The following NPTN variants were observed in gnomAD, a reference collection of about 807,000 sequenced individuals.
The protein encoded by NPTN is SDR-1.
NPTN carries 5 observed loss-of-function variants against 42.7 expected under a neutral mutation model. The observed-to-expected ratio is 0.12, with a 90% CI of 0.06 to 0.25. The LOEUF (loss-of-function observed/expected upper bound fraction) is 0.25, where lower values mean the gene tolerates loss of function less well. Among genes scored for constraint, NPTN ranks in the 10% least tolerant of loss-of-function variants. The pLI, the probability that NPTN is intolerant of heterozygous loss-of-function variation, is 1.00. For synonymous variants in NPTN, 180 were observed against 201.9 expected (o/e 0.89, Z 0.92); for missense variants, 307 against 525.4 (o/e 0.58, Z 4.06).
At chr15:73,564,455 C>A (rs939082507) in intron 6 of NPTN, among the ~76,000 whole-genome samples, 4 of 152,166 alleles carry the variant, frequency 2.6e-5, no homozygotes, top group Non-Finnish European at 5.9e-5. Context: ...CGCCAGCACA[C>A]ACAGTGACTG....
intron 1 of NPTN, among the ~76,000 whole-genome samples, chr15:73,629,332 C>T (rs1455989252): frequency 2.6e-5 from 4 of 152,174 alleles, no homozygotes; most frequent in African/African-American, 2.4e-5. Context: ...TGACATTCGG[C>T]ATGTCATTTG....
Position 73,570,072 on chromosome 15 carries a change from T to C in NPTN, c.1114+78A>G. On this transcript the variant is annotated intron_variant, in intron 6 of 8. Transcript: ENST00000345330. The surrounding 1 kb of genome is among the most constrained non-coding windows in gnomAD (Gnocchi z 4.0). ...TAGGGATTGAATCCCAACATCCCTA[T>C]AGTCCTCTTTGGGTACTTGGAAACC... 4 of 1,440,830 alleles carry C rather than the reference T, an allele frequency of 2.8e-6. No homozygotes were observed. The highest frequency in any genetic ancestry group is 3.8e-6 in the Non-Finnish European group (4 of 1,065,570). The allele number at this position is 1,440,830 out of a possible 1,614,324, so 89.3% of individuals were successfully genotyped here.
chr15:73,562,627 T>A (rs1301286346), intron 7 of NPTN, among the ~76,000 whole-genome samples: 2 of 152,344 alleles, frequency 1.3e-5, no homozygotes, highest in East Asian at 3.9e-4. Flanking sequence ...GATCTTAGAT[T>A]GATTCCATAC....
At position 73,633,204 on chromosome 15, in the gene NPTN, C is replaced by T. The variant is rs1249547844; in HGVS notation, c.12G>A (p.Ser4=). The change falls in exon 1 of 9, where the codon TCG becomes TCA. Residue 4 remains serine (S), a synonymous_variant. Coordinates refer to ENST00000345330, the MANE Select transcript of NPTN (RefSeq NM_012428.4). ...AGAGGGCCAGGGCGCTGGGCAGCGACGAACCCGACATCCTCCCTAGCAGAA... is the reference window on the plus strand; with the variant it reads ...AGAGGGCCAGGGCGCTGGGCAGCGATGAACCCGACATCCTCCCTAGCAGAA... MSG[S]SLPSALALSL... 6.5e-7 allele frequency: 1 copy of T among 1,528,952 alleles called. No homozygotes were observed. The highest frequency in any genetic ancestry group is 1.4e-5 in the African/African-American group (1 of 69,334). 94.7% of individuals were successfully genotyped at this position (1,528,952 alleles called of 1,614,324 possible).
chr15:73,580,434 T>A (rs912651279), intron 4 of NPTN, among the ~76,000 whole-genome samples: 3 of 79,616 alleles, frequency 3.8e-5, no homozygotes, highest in African/African-American at 1.5e-4. Context: ...ATATATATAA[T>A]ATATATAATA....
In NPTN at chr15:73,563,398, T is replaced by G. The variant is rs1894805424; in HGVS notation, c.1115-141A>C. ...ACTCACAGCATTTATTAAAGGCCAT[T>G]CCATCTGGAGGTGCAAAACACTCAT... On this transcript the variant is annotated intron_variant, in intron 6 of 8. Transcript: ENST00000345330. The G allele has an allele frequency of 2.1e-5, 31 of 1,467,260 alleles. 2 individuals carry two copies. In the South Asian group the frequency reaches 4.4e-4, roughly 21 times the overall value. The allele number at this position is 1,467,260 out of a possible 1,614,324, so 90.9% of individuals were successfully genotyped here. A position where few individuals can be genotyped will look rare whatever the true frequency, so the allele number is the denominator to read the frequency against.
chr15:73,618,158 C>A (rs566418443), intron 1 of NPTN, among the ~76,000 whole-genome samples: 22 of 152,282 alleles, frequency 1.4e-4, no homozygotes, highest in African/African-American at 5.1e-4. Context: ...CTTTCTGCCT[C>A]GATGTCCTCA....
intron 6 of NPTN, chr15:73,567,919 A>G (rs1895127952): frequency 2.2e-5 from 22 of 985,416 alleles, no homozygotes; most frequent in Non-Finnish European, 2.5e-5. Context: ...AAGAGACTAG[A>G]GCAAGGAGGT....
intron 7 of NPTN, among the ~76,000 whole-genome samples, chr15:73,562,441 ATAAT>A (rs1233129569): frequency 1.3e-5 from 2 of 152,236 alleles, no homozygotes; most frequent in African/African-American, 4.8e-5. Context: ...ATCCGGAACT[ATAAT>A]TACGATACAG....
chr15:73,587,691 AG>A, intron 3 of NPTN, 73 bp from the exon 4 acceptor site: 1 of 1,055,320 alleles, frequency 9.5e-7, no homozygotes, highest in South Asian at 1.3e-5. Context: ...GGAGAATCAA[AG>A]GGGCAATCAG....
chr15:73,568,464 T>TA (rs1895168007), intron 6 of NPTN: 1 of 985,298 alleles, frequency 1.0e-6, no homozygotes, highest in East Asian at 1.1e-4. Context: ...GAATGAGGCA[T>TA]AACTGATCCC....
chr15:73,577,462 T>C (rs2141371426), intron 4 of NPTN, among the ~76,000 whole-genome samples: 1 of 152,354 alleles, frequency 6.6e-6, no homozygotes, highest in East Asian at 1.9e-4. Context: ...ATCTTACTTC[T>C]AACCTCCAAG....
chr15:73,620,409 G>T (rs1898077580), intron 1 of NPTN, among the ~76,000 whole-genome samples: 1 of 152,118 alleles, frequency 6.6e-6, no homozygotes, highest in Admixed American at 6.5e-5. Context: ...CTCAATGGGG[G>T]TTGCCCTGCC....
At chr15:73,574,545 T>G (rs1201309236) in intron 4 of NPTN, among the ~76,000 whole-genome samples, 1 of 152,150 alleles carries the variant, frequency 6.6e-6, no homozygotes, top group Admixed American at 6.5e-5. Context: ...CCCGAGTAAC[T>G]AGAACTACAG....
intron 4 of NPTN, among the ~76,000 whole-genome samples, chr15:73,582,943 C>A (rs1354842391): frequency 6.6e-6 from 1 of 152,214 alleles, no homozygotes; most frequent in African/African-American, 2.4e-5. Context: ...CGGACTGGCT[C>A]TCCTTGCTCC....
Position 73,633,356 on chromosome 15 carries a change from C to G in NPTN, c.-141G>C, listed in dbSNP as rs1328583554. On this transcript the variant is annotated 5_prime_UTR_variant, in exon 1 of 9. Coordinates refer to ENST00000345330, the MANE Select transcript of NPTN (RefSeq NM_012428.4). ...GCCGCGGCTCGGCTCCGTCCTTCCC[C>G]GTCCTCCTCCTGCCGCCGCAGCGCC... 10 of 559,478 alleles carry G rather than the reference C, an allele frequency of 1.8e-5. No homozygotes were observed. The highest frequency in any genetic ancestry group is 3.5e-5 in the East Asian group (1 of 28,580). The allele number at this position is 559,478 out of a possible 1,614,324, so 34.7% of individuals were successfully genotyped here.
chr15:73,581,123 C>G (rs1896022566), intron 4 of NPTN, among the ~76,000 whole-genome samples: 1 of 152,124 alleles, frequency 6.6e-6, no homozygotes, highest in Non-Finnish European at 1.5e-5. Flanking sequence ...TATGTGCTCT[C>G]CCCATTTGCT....
chr15:73,623,454 A>G (rs974320439), intron 1 of NPTN, among the ~76,000 whole-genome samples: 2 of 152,216 alleles, frequency 1.3e-5, no homozygotes, highest in African/African-American at 4.8e-5. Flanking sequence ...TGGGAGGCAC[A>G]GGCAGGAGGA....
chr15:73,579,282 A>G (rs1056133050), intron 4 of NPTN, among the ~76,000 whole-genome samples: 1 of 152,022 alleles, frequency 6.6e-6, no homozygotes, highest in Non-Finnish European at 1.5e-5. Flanking sequence ...CGTCTCAAAA[A>G]AAAAAAAAAA....
Sources: gnomAD v4.1 joint callset for allele counts (sites outside exome capture counted in the v4.1 genomes callset) on GRCh38, gnomAD v4.1.1 for gene constraint, Gnocchi (gnomAD v3.1) non-coding constraint, MANE v1.5 for transcripts, NCBI Gene and HGNC (gene_info 2026-07-23, HGNC 2026-07-21) for gene names.